Variants in KNTC1 observed in about 807,000 individuals in gnomAD.
KNTC1 encodes kinetochore associated 1, also known as kinetochore-associated protein 1.
Under a neutral mutation model 314.4 loss-of-function variants are expected in KNTC1, and 253 were observed. The observed-to-expected ratio is 0.80, with a 90% CI of 0.73 to 0.89. KNTC1 has a LOEUF of 0.89. Ranked by LOEUF, KNTC1 falls within the 40% of genes least tolerant of loss-of-function variation. KNTC1 has a pLI of 0.00. For synonymous variants in KNTC1, 901 were observed against 901.4 expected, an observed-to-expected ratio of 1.00 and a Z score of 0.01; for missense variants, 2,475 against 2,572.9, an observed-to-expected ratio of 0.96 and a Z score of 0.82.
chr12:122,557,070 A>T (rs964067120), intron 16 of KNTC1, among the ~76,000 whole-genome samples: 17 of 152,016 alleles, frequency 1.1e-4, no homozygotes, highest in African/African-American at 4.1e-4. Context: ...TACTGTGCAA[A>T]TATACCACAT....
chr12:122,616,294 G>T (rs1421711398), intron 57 of KNTC1, among the ~76,000 whole-genome samples: 1 of 147,746 alleles, frequency 6.8e-6, no homozygotes, highest in Non-Finnish European at 1.5e-5. Context: ...ATGGAGTCTC[G>T]CTCTGTTGCC....
intron 38 of KNTC1, among the ~76,000 whole-genome samples, chr12:122,587,251 C>G (rs1033978070): frequency 5.3e-5 from 8 of 152,130 alleles, no homozygotes; most frequent in Non-Finnish European, 1.0e-4. Context: ...TGTACTCCAG[C>G]CTGGGCAACA....
chr12:122,573,594 G>A (rs966247694), intron 26 of KNTC1, among the ~76,000 whole-genome samples: 6 of 152,042 alleles, frequency 3.9e-5, no homozygotes, highest in African/African-American at 9.7e-5. Context: ...AAGGTGGTCC[G>A]GGCACAGCTT....
At chr12:122,622,024 A>G in intron 61 of KNTC1, 54 bp downstream of exon 61, 1 of 1,237,866 alleles carries the variant, frequency 8.1e-7, no homozygotes, top group South Asian at 1.3e-5. Context: ...ACTAGAAGGT[A>G]GTCATTTTCC....
At chr12:122,609,951 G>T (rs1200658114) in intron 52 of KNTC1, among the ~76,000 whole-genome samples, 2 of 152,242 alleles carry the variant, frequency 1.3e-5, no homozygotes, top group African/African-American at 4.8e-5. Flanking sequence ...CACAGGCATG[G>T]ATAAGGGAGC....
intron 43 of KNTC1, among the ~76,000 whole-genome samples, chr12:122,596,155 TCA>T (rs1871013750): frequency 6.7e-6 from 1 of 149,892 alleles, no homozygotes; most frequent in South Asian, 2.2e-4. Flanking sequence ...CAATCTTGTC[TCA>T]CTGCAACCTC....
At position 122,593,049 on chromosome 12, in the gene KNTC1, C is replaced by T. The variant is rs140381960; in HGVS notation, c.4246-1227C>T. ...ACTGCGAAGGTCTGCAGCTTCACTC[C>T]TGAGCCAGCGAGACCACGAACCCAC... On this transcript the variant is annotated intron_variant, in intron 42 of 63. Transcript: ENST00000333479. The T allele has an allele frequency of 6.7e-3, 1,039 of 155,818 alleles. 10 individuals are homozygous for T. Among genetic ancestry groups the T allele is most frequent in the African/African-American group, 0.024 (990 of 41,490 alleles). 9.7% of individuals were successfully genotyped at this position (155,818 alleles called of 1,614,324 possible).
At chr12:122,570,679 G>A (rs1451688161) in intron 22 of KNTC1, among the ~76,000 whole-genome samples, 197 bp from the exon 23 acceptor site, 1 of 152,054 alleles carries the variant, frequency 6.6e-6, no homozygotes, top group Non-Finnish European at 1.5e-5. Flanking sequence ...CACATTGCTT[G>A]CCTGTATCAA....
Position 122,603,013 on chromosome 12 carries a change from C to A in KNTC1, c.4885-14C>A, listed in dbSNP as rs763094811. 6.2e-7 allele frequency: 1 copy of A among 1,609,852 alleles called. No individual in the cohort carries two copies. The highest frequency in any genetic ancestry group is 1.3e-5 in the African/African-American group (1 of 74,724). ...GAATATGTGCTTCAGCCATAACCTT[C>A]CTTTTCTTTGAAGTTCTCTCTGGAC... On this transcript the variant is annotated splice_polypyrimidine_tract_variant and intron_variant, in intron 47 of 63. Transcript: ENST00000333479.
chr12:122,570,211 C>G (rs1447826674), intron 22 of KNTC1, among the ~76,000 whole-genome samples: 1 of 151,590 alleles, frequency 6.6e-6, no homozygotes, highest in African/African-American at 2.4e-5. Flanking sequence ...TTAATGCATA[C>G]AAAAAAATAT....
At chr12:122,556,299 T>G (rs1963587508) in intron 16 of KNTC1, among the ~76,000 whole-genome samples, 1 of 151,190 alleles carries the variant, frequency 6.6e-6, no homozygotes, top group Non-Finnish European at 1.5e-5. Context: ...ATTACAGGTG[T>G]GCGCCACCAC....
intron 53 of KNTC1, among the ~76,000 whole-genome samples, chr12:122,612,085 A>C (rs1873193455): frequency 6.8e-6 from 1 of 146,302 alleles, no homozygotes; most frequent in African/African-American, 2.6e-5. Flanking sequence ...TTTTTTTTTG[A>C]GATGGAGTCT....
In KNTC1 at chr12:122,534,723, C is replaced by T. The variant is rs78869558; in HGVS notation, c.189C>T (p.Ala63=). The change falls in exon 3 of 64, where the codon GCC becomes GCT. Residue 63 remains alanine, a synonymous_variant. Transcript: ENST00000333479. The part of the protein sequence containing the change: ...CSLSDGFIIV[A]DQSVILLDSI... ...TAAGTGATGGGTTTATTATTGTAGC[C>T]GACCAATCAGTGATATTGCTTGACA... 5.3e-3 allele frequency: 8,513 copies of T among 1,610,480 alleles called. 160 individuals carry two copies. The African/African-American group carries it at 0.061, about 12-fold the overall frequency.
At chr12:122,555,413 A>T (rs1002671826) in intron 16 of KNTC1, among the ~76,000 whole-genome samples, 5 of 152,150 alleles carry the variant, frequency 3.3e-5, no homozygotes, top group Non-Finnish European at 1.5e-5. Context: ...TTAGCTGGGC[A>T]TGGCAGTGGA....
intron 42 of KNTC1, 90 bp from the exon 43 acceptor site, chr12:122,594,186 A>G (rs916750260): frequency 5.5e-6 from 4 of 727,804 alleles, no homozygotes; most frequent in Admixed American, 2.4e-5. Flanking sequence ...GAAAAAGGAT[A>G]CTAAGAAGGC....
At position 122,603,114 on chromosome 12, in the gene KNTC1, A is replaced by G. The variant is rs376125787; in HGVS notation, c.4972A>G (p.Lys1658Glu). 1.9e-6 allele frequency: 3 copies of G among 1,613,742 alleles called. No individual in the cohort carries two copies. In the African/African-American group the frequency reaches 4.0e-5, roughly 22 times the overall value. The change falls in exon 48 of 64, where the codon AAA becomes GAA. Residue 1658 changes from lysine (K) to glutamate (E), a missense_variant. By Grantham distance (56) the Lys-to-Glu change is moderately conservative. Coordinates refer to ENST00000333479, the MANE Select transcript of KNTC1 (RefSeq NM_014708.6). The part of the protein sequence containing the change: ...KPKLLKLTQA[K>E]SSTLINKEIT... ...AAAGCTCCTGAAGTTAACACAAGCT[A>G]AATCCTCAACACTGATTAACAAGGA...
At position 122,534,687 on chromosome 12, in the gene KNTC1, G is replaced by A. The variant is rs1183863818; in HGVS notation, c.153G>A (p.Gln51=). The change falls in exon 3 of 64, where the codon CAG becomes CAA. Residue 51 remains glutamine, a synonymous_variant. Coordinates refer to ENST00000333479, the MANE Select transcript of KNTC1 (RefSeq NM_014708.6). ...AGGCCTCATTAAATCCAAAGATACA[G>A]GCATGCAGCTTAAGTGATGGGTTTA... is the stretch of plus-strand genomic sequence containing the variant. ...SEKASLNPKI[Q]ACSLSDGFII... is the part of the protein sequence containing the mutation. 1 of 1,609,864 alleles carries A rather than the reference G, an allele frequency of 6.2e-7. No individual in the cohort carries two copies. The highest frequency in any genetic ancestry group is 1.3e-5 in the African/African-American group (1 of 74,998).
At position 122,603,071 on chromosome 12, in the gene KNTC1, C is replaced by G; in HGVS notation, c.4929C>G (p.Phe1643Leu). 1 of 1,613,416 alleles carries G rather than the reference C, an allele frequency of 6.2e-7. No individual in the cohort carries two copies. Among genetic ancestry groups the G allele is most frequent in the Non-Finnish European group, 8.5e-7 (1 of 1,179,774 alleles). The change falls in exon 48 of 64, where the codon TTC becomes TTG. Residue 1643 changes from phenylalanine (F) to leucine (L), a missense_variant. Phe to Leu is a conservative substitution (Grantham distance 22, BLOSUM62 0). Coordinates refer to ENST00000333479, the MANE Select transcript of KNTC1 (RefSeq NM_014708.6). ...TLYVSTAKHV[F>L]EKKLKPKLLK... is the part of the protein sequence containing the mutation. The stretch of plus-strand genomic sequence containing the variant: ...ACGTGTCTACAGCAAAACACGTTTT[C>G]GAAAAAAAACTGAAGCCAAAGCTCC...
chr12:122,587,018 T>A (rs1437259270), intron 38 of KNTC1, among the ~76,000 whole-genome samples: 4 of 152,134 alleles, frequency 2.6e-5, no homozygotes, highest in African/African-American at 9.7e-5. Context: ...GATTTCACCA[T>A]GTTGGCCAGC....
Sources: allele counts gnomAD v4.1 joint callset (sites outside exome capture counted in the v4.1 genomes callset), GRCh38; gene constraint gnomAD v4.1.1; transcripts MANE v1.5; gene names NCBI Gene and HGNC (gene_info 2026-07-23, HGNC 2026-07-21).